FRMPD4: variants seen among roughly 807,000 people sequenced by gnomAD.
FRMPD4 encodes the protein FERM and PDZ domain-containing protein 4.
In FRMPD4, 22 loss-of-function variants were observed where a neutral mutation model predicts 94.1. That is an observed-to-expected ratio of 0.23 (90% CI 0.17 to 0.33). FRMPD4 has a LOEUF of 0.33. FRMPD4 is among the 10% of genes least tolerant of loss of function. The probability of loss-of-function intolerance (pLI) is 1.00; values close to 1 mark genes in which losing one functional copy is unlikely to be tolerated. For missense variants in FRMPD4, 1,111 were observed against 1,339.9 expected, an observed-to-expected ratio of 0.83 and a Z score of 2.67; for synonymous variants, 631 against 548.6, an observed-to-expected ratio of 1.15 and a Z score of -2.10.
At chrX:12,187,066 A>G (rs1037241064) in intron 1 of FRMPD4, among the ~76,000 whole-genome samples, 2 of 112,264 alleles carry the variant, frequency 1.8e-5, no homozygotes, top group African/African-American at 6.5e-5. Context: ...AGAGTGGAAA[A>G]GGTGGCAGTA....
intron 1 of FRMPD4, among the ~76,000 whole-genome samples, chrX:11,844,682 A>G (rs2053563136): frequency 9.0e-6 from 1 of 111,493 alleles, no homozygotes; most frequent in Non-Finnish European, 1.9e-5. Context: ...CCTTTTTGTC[A>G]TGTTGTGAAT....
intron 1 of FRMPD4, among the ~76,000 whole-genome samples, chrX:11,856,847 A>C (rs752152011): frequency 8.9e-6 from 1 of 112,366 alleles, no homozygotes; most frequent in South Asian, 3.8e-4. Flanking sequence ...CTGATAAACC[A>C]CTTCGGGAAA....
chrX:12,326,761 T>C (rs1242045687), intron 1 of FRMPD4, among the ~76,000 whole-genome samples: 1 of 111,134 alleles, frequency 9.0e-6, no homozygotes, highest in Non-Finnish European at 1.9e-5. Flanking sequence ...GCCCAGGAGT[T>C]TGAGACCAGC....
At chrX:12,669,558 A>G (rs764639452) in intron 4 of FRMPD4, among the ~76,000 whole-genome samples, 1 of 112,516 alleles carries the variant, frequency 8.9e-6, no homozygotes, top group Admixed American at 9.4e-5. Flanking sequence ...TATGGTCGGC[A>G]GAATAATGAT....
intron 1 of FRMPD4, among the ~76,000 whole-genome samples, chrX:12,305,749 C>T (rs1013576432): frequency 2.6e-5 from 1 of 37,757 alleles, no homozygotes; most frequent in Non-Finnish European, 4.3e-5. Flanking sequence ...TTTTTTTTTA[C>T]AGAGACAGGG....
In FRMPD4 at chrX:12,690,218, G is replaced by C. The variant is rs1458166776; in HGVS notation, c.705G>C (p.Glu235Asp). The change falls in exon 8 of 17, where the codon GAG (glutamate) becomes GAC (aspartate). Residue 235 changes from glutamate (E) to aspartate (D), a missense_variant. Physicochemically the swap from Glu to Asp is conservative, Grantham distance 45 (BLOSUM62 2). This residue lies in a region of FRMPD4 where 37 missense variants were observed against 101.0 expected (regional missense o/e 0.37). Coordinates refer to ENST00000675598, the MANE Select transcript of FRMPD4 (RefSeq NM_001368397.1). ...AGGATGTCATCTTAACCCTTCAAGAGAAGCTCTCCATCAAAGGCATTGAAC... is the reference window on the plus strand; with the variant it reads ...AGGATGTCATCTTAACCCTTCAAGACAAGCTCTCCATCAAAGGCATTGAAC... Reference protein sequence around the residue: ...SIKDVILTLQEKLSIKGIEHF... With the variant: ...SIKDVILTLQDKLSIKGIEHF... 8.3e-7 allele frequency: 1 copy of C among 1,202,396 alleles called. No individual in the cohort carries two copies. The highest frequency in any genetic ancestry group is 3.0e-5 in the East Asian group (1 of 33,731).
chrX:12,155,902 AATTTATGG>A (rs112895047), intron 1 of FRMPD4, among the ~76,000 whole-genome samples: 47,042 of 109,788 alleles, frequency 0.43, 8,779 homozygotes, highest in East Asian at 0.82. Flanking sequence ...TCTACATATA[AATTTATGG>A]ATTTATGGCT....
At chrX:12,550,779 C>T (rs2058527127) in intron 2 of FRMPD4, among the ~76,000 whole-genome samples, 1 of 110,072 alleles carries the variant, frequency 9.1e-6, no homozygotes, top group Non-Finnish European at 1.9e-5. Context: ...TTCTGATACA[C>T]GTACTCATAT....
At chrX:12,415,246 C>G (rs1234395667) in intron 1 of FRMPD4, among the ~76,000 whole-genome samples, 1 of 111,749 alleles carries the variant, frequency 8.9e-6, no homozygotes, top group Non-Finnish European at 1.9e-5. Flanking sequence ...CTAAGAGGGT[C>G]TTCGTTGTAA....
At position 12,668,523 on chromosome X, in the gene FRMPD4, T is replaced by A. The variant is rs767773722; in HGVS notation, c.423-6340T>A. 2.3e-4 allele frequency among the ~76,000 whole-genome samples: 25 copies of A among 110,017 alleles called. No individual in the cohort carries two copies. In the East Asian group the frequency reaches 6.8e-3, roughly 30 times the overall value. On this transcript the variant is annotated intron_variant, in intron 4 of 16. Transcript: ENST00000675598. ...TTCCCATTTTCAAATTAATAAAGTG[T>A]GCTGAGGAGTCCTTCTTCCAGAATT...
chrX:12,658,239 T>C (rs761701930), intron 4 of FRMPD4, among the ~76,000 whole-genome samples: 1 of 112,082 alleles, frequency 8.9e-6, no homozygotes, highest in Non-Finnish European at 1.9e-5. Flanking sequence ...TGAAGATTCC[T>C]TGGGCAAGCA....
intron 4 of FRMPD4, among the ~76,000 whole-genome samples, chrX:12,661,110 GCTATCT>G (rs36207106): frequency 0.47 from 51,270 of 109,543 alleles, 10,435 homozygotes; most frequent in African/African-American, 0.78. Context: ...GTCATACAAA[GCTATCT>G]CTATCTCTAC....
At chrX:12,407,065 C>T (rs759885262) in intron 1 of FRMPD4, among the ~76,000 whole-genome samples, 69 of 110,726 alleles carry the variant, frequency 6.2e-4, no homozygotes, top group Non-Finnish European at 1.2e-3. Flanking sequence ...ATCACATCTC[C>T]TTCTCTAACT....
intron 3 of FRMPD4, among the ~76,000 whole-genome samples, chrX:12,005,625 C>T (rs1222516803): frequency 9.0e-6 from 1 of 111,575 alleles, no homozygotes; most frequent in Non-Finnish European, 1.9e-5. Context: ...TTTCGACAGA[C>T]ATGTGAGCCC....
chrX:12,717,736 C>CTCGCA lies in FRMPD4; in HGVS notation c.2910_2911insTCGCA (p.Leu971SerfsTer108). On this transcript the variant is annotated frameshift_variant, in exon 16 of 17. Coordinates refer to ENST00000675598, the MANE Select transcript of FRMPD4 (RefSeq NM_001368397.1). LOFTEE classifies it high-confidence loss of function. ...GCTTGCCTCCAAAGTCCTCGCACGCCCTGGCTGCTAGGCCAGCAACCGACC... is the reference window on the plus strand; with the variant it reads ...GCTTGCCTCCAAAGTCCTCGCACGCCTCGCACTGGCTGCTAGGCCAGCAACCGACC... 1 of 1,211,700 alleles carries CTCGCA rather than the reference C, an allele frequency of 8.3e-7. No individual in the cohort carries two copies. The highest frequency in any genetic ancestry group is 3.0e-5 in the East Asian group (1 of 33,855).
chrX:11,963,820 A>T (rs1209868915), intron 3 of FRMPD4, among the ~76,000 whole-genome samples: 1 of 111,673 alleles, frequency 9.0e-6, no homozygotes, highest in Non-Finnish European at 1.9e-5. Flanking sequence ...AAGTTGACAG[A>T]TTATAAGGGA....
In FRMPD4 at chrX:12,653,068, C is replaced by A. The variant is rs747623540; in HGVS notation, c.423-21795C>A. 6.3e-5 allele frequency among the ~76,000 whole-genome samples: 7 copies of A among 111,989 alleles called. No homozygotes were observed. The East Asian group carries it at 1.7e-3, about 27-fold the overall frequency. On this transcript the variant is annotated intron_variant, in intron 4 of 16. Coordinates refer to ENST00000675598, the MANE Select transcript of FRMPD4 (RefSeq NM_001368397.1). ...CAGTTGAATGGACCCTCCTCTACCA[C>A]TTTTCAGCCACGCAGCTTTATGAAA...
intron 3 of FRMPD4, among the ~76,000 whole-genome samples, chrX:11,943,430 G>A (rs1358123638): frequency 2.7e-5 from 3 of 110,254 alleles, no homozygotes; most frequent in Non-Finnish European, 3.8e-5. Context: ...AGTTCTGGAG[G>A]CTAGTAAGTT....
chrX:11,853,551 C>T (rs1232387610), intron 1 of FRMPD4, among the ~76,000 whole-genome samples: 3 of 110,793 alleles, frequency 2.7e-5, no homozygotes, highest in Non-Finnish European at 5.7e-5. Context: ...GGGATATTAC[C>T]ACTTACCCAA....
Sources: allele counts gnomAD v4.1 joint callset (sites outside exome capture counted in the v4.1 genomes callset), GRCh38; gene constraint gnomAD v4.1.1; regional missense constraint gnomAD v4.1.1; transcripts MANE v1.5; gene names NCBI Gene and HGNC (gene_info 2026-07-23, HGNC 2026-07-21).